Variants in DPP10 observed in about 807,000 individuals in gnomAD.
DPP10 encodes the protein inactive dipeptidyl peptidase 10.
DPP10 carries 33 observed loss-of-function variants against 120.9 expected under a neutral mutation model. The ratio of observed to expected loss-of-function variants is 0.27; its 90% CI spans 0.21 to 0.37. DPP10 has a LOEUF of 0.37. Among genes scored for constraint, DPP10 ranks in the 10% least tolerant of loss-of-function variants. The probability of loss-of-function intolerance (pLI) is 1.00; values close to 1 mark genes in which losing one functional copy is unlikely to be tolerated. For missense variants in DPP10, 816 were observed against 942.8 expected (o/e 0.87, Z 1.76); for synonymous variants, 337 against 326.1 (o/e 1.03, Z -0.36).
chr2:115,628,251 A>G (rs1228310230), intron 5 of DPP10, among the ~76,000 whole-genome samples: 1 of 152,138 alleles, frequency 6.6e-6, no homozygotes, highest in Non-Finnish European at 1.5e-5. Context: ...GTTCTGATTT[A>G]CGTTTCTCAA....
intron 1 of DPP10, among the ~76,000 whole-genome samples, chr2:114,514,125 T>G (rs1200437578): frequency 6.6e-6 from 1 of 152,282 alleles, no homozygotes; most frequent in South Asian, 2.1e-4. Context: ...TCTACCTCCA[T>G]CATAATGTGA....
At chr2:115,723,388 A>G (rs2092691713) in intron 7 of DPP10, among the ~76,000 whole-genome samples, 1 of 152,022 alleles carries the variant, frequency 6.6e-6, no homozygotes, top group Admixed American at 6.6e-5. Context: ...AAATTTTTCC[A>G]AGTCAACTTT....
chr2:114,851,572 A>T (rs1460407453), intron 1 of DPP10, among the ~76,000 whole-genome samples: 1 of 152,232 alleles, frequency 6.6e-6, no homozygotes, highest in African/African-American at 2.4e-5. Flanking sequence ...AAAATCTTAC[A>T]CTTAAGATTC....
chr2:114,536,498 C>T (rs576432317), intron 1 of DPP10, among the ~76,000 whole-genome samples: 11 of 151,136 alleles, frequency 7.3e-5, no homozygotes, highest in South Asian at 4.2e-4. Context: ...CTCTGTCTCC[C>T]GGGTTCACAC....
intron 19 of DPP10, among the ~76,000 whole-genome samples, chr2:115,811,533 T>C (rs780774827): frequency 2.6e-5 from 4 of 152,236 alleles, no homozygotes; most frequent in African/African-American, 4.8e-5. Context: ...CTTATTTACA[T>C]TTTAACTAAA....
At chr2:115,441,162 A>C (rs932681666) in intron 3 of DPP10, among the ~76,000 whole-genome samples, 1 of 152,064 alleles carries the variant, frequency 6.6e-6, no homozygotes, top group Non-Finnish European at 1.5e-5. Flanking sequence ...TTTGAGGTTA[A>C]ATAATAAAAC....
At chr2:114,977,373 T>C (rs1699818388) in intron 1 of DPP10, among the ~76,000 whole-genome samples, 1 of 152,196 alleles carries the variant, frequency 6.6e-6, no homozygotes, top group Non-Finnish European at 1.5e-5. Flanking sequence ...CTTCACACTT[T>C]CACCATCTTA....
intron 1 of DPP10, among the ~76,000 whole-genome samples, chr2:115,023,314 A>G (rs1703210511): frequency 6.6e-6 from 1 of 151,404 alleles, no homozygotes; most frequent in African/African-American, 2.4e-5. Flanking sequence ...AAACAATCCC[A>G]TCTAAGAGTG....
chr2:114,600,489 C>T (rs144889982), intron 1 of DPP10, among the ~76,000 whole-genome samples: 34 of 151,890 alleles, frequency 2.2e-4, no homozygotes, highest in Admixed American at 1.1e-3. Flanking sequence ...TAAAGTCCTT[C>T]TCTATTAATT....
intron 1 of DPP10, among the ~76,000 whole-genome samples, chr2:115,006,008 C>T (rs1243118086): frequency 6.6e-6 from 1 of 152,104 alleles, no homozygotes. Flanking sequence ...ATCAGACTAA[C>T]AGTGGATCTC....
intron 2 of DPP10, among the ~76,000 whole-genome samples, chr2:115,328,501 G>T (rs552616263): frequency 6.6e-6 from 1 of 152,110 alleles, no homozygotes; most frequent in East Asian, 1.9e-4. Context: ...TTTCTTATTT[G>T]ATGAGCACTT....
chr2:114,815,724 G>A (rs1685587188), intron 1 of DPP10, among the ~76,000 whole-genome samples: 1 of 152,090 alleles, frequency 6.6e-6, no homozygotes, highest in Non-Finnish European at 1.5e-5. Flanking sequence ...CTTTATCTGA[G>A]AGCAATGGAG....
chr2:115,154,861 T>C lies in DPP10; in HGVS notation c.61-154378T>C, dbSNP rs149785264. Among the ~76,000 whole-genome samples the C allele has an allele frequency of 3.5e-3, 525 of 151,638 alleles. 6 individuals carry two copies. Among genetic ancestry groups the C allele is most frequent in the African/African-American group, 0.011 (463 of 41,338 alleles). ...TTAGGATGCTGAACAAGCTATTAGG[T>C]TGGTGTAAAAAAATTGCGGTTTTGC... On this transcript the variant is annotated intron_variant, in intron 1 of 25. Coordinates refer to ENST00000410059, the MANE Select transcript of DPP10 (RefSeq NM_020868.6).
At chr2:114,716,329 G>A (rs1336414666) in intron 1 of DPP10, among the ~76,000 whole-genome samples, 1 of 152,158 alleles carries the variant, frequency 6.6e-6, no homozygotes, top group Non-Finnish European at 1.5e-5. Flanking sequence ...AATATAAACA[G>A]CAAACACTAT....
intron 1 of DPP10, among the ~76,000 whole-genome samples, chr2:114,539,097 T>G (rs373239858): frequency 6.6e-6 from 1 of 151,488 alleles, no homozygotes; most frequent in Admixed American, 6.6e-5. Flanking sequence ...GCAGACAAAG[T>G]GATGTTTTTA....
rs549572246 is a variant in DPP10 at position 115,722,613 on chromosome 2, C to T, written c.577-5203C>T. 2.0e-5 allele frequency among the ~76,000 whole-genome samples: 3 copies of T among 152,004 alleles called. No individual in the cohort carries two copies. The East Asian group carries it at 5.9e-4, about 30-fold the overall frequency. ...CTATATTGAATATTGTGGGCAACTG[C>T]AACACAACGGTATGTATCTTTGTAT... On this transcript the variant is annotated intron_variant, in intron 7 of 25. Coordinates refer to ENST00000410059, the MANE Select transcript of DPP10 (RefSeq NM_020868.6).
At chr2:115,087,851 G>T (rs113449088) in intron 1 of DPP10, among the ~76,000 whole-genome samples, 8,513 of 152,194 alleles carry the variant, frequency 0.056, 304 homozygotes, top group East Asian at 0.15. Flanking sequence ...ACCGCACCCA[G>T]CCAACTCTGC....
intron 5 of DPP10, among the ~76,000 whole-genome samples, chr2:115,674,174 G>A (rs1243713409): frequency 2.0e-5 from 3 of 151,892 alleles, no homozygotes; most frequent in Admixed American, 6.6e-5. Flanking sequence ...GCAGTGAGCC[G>A]AGATCATGCC....
At chr2:115,143,772 G>T (rs1049705857) in intron 1 of DPP10, among the ~76,000 whole-genome samples, 2 of 152,146 alleles carry the variant, frequency 1.3e-5, no homozygotes, top group African/African-American at 4.8e-5. Flanking sequence ...CCACATTGGA[G>T]AAATCTCCCC....
Sources: allele counts gnomAD v4.1 joint callset (sites outside exome capture counted in the v4.1 genomes callset), GRCh38; gene constraint gnomAD v4.1.1; transcripts MANE v1.5; gene names NCBI Gene and HGNC (gene_info 2026-07-23, HGNC 2026-07-21).